The following CFAP61 variants were observed in gnomAD, a reference collection of about 807,000 sequenced individuals.
CFAP61 encodes the protein cilia and flagella associated protein 61.
CFAP61 carries 107 observed loss-of-function variants against 135.6 expected under a neutral mutation model. The ratio of observed to expected loss-of-function variants is 0.79; its 90% CI spans 0.67 to 0.93. The LOEUF is 0.93. Ranked by LOEUF, CFAP61 falls within the 40% of genes least tolerant of loss-of-function variation. CFAP61 has a pLI of 0.00. For missense variants in CFAP61, 1,507 were observed against 1,556.2 expected (o/e 0.97, Z 0.53); for synonymous variants, 575 against 578.5 (o/e 0.99, Z 0.09).
At chr20:20,153,013 A>G (rs1000723129) in intron 9 of CFAP61, among the ~76,000 whole-genome samples, 22 of 152,190 alleles carry the variant, frequency 1.4e-4, no homozygotes, top group African/African-American at 4.6e-4. Flanking sequence ...TTGAAATTAT[A>G]TCAAGTACCC....
At chr20:20,271,033 T>G (rs2053306992) in intron 21 of CFAP61, among the ~76,000 whole-genome samples, 1 of 152,176 alleles carries the variant, frequency 6.6e-6, no homozygotes, top group South Asian at 2.1e-4. Context: ...AGTTGCTGAT[T>G]TGTTCATTTA....
intron 21 of CFAP61, among the ~76,000 whole-genome samples, chr20:20,271,912 A>G (rs940700536): frequency 6.6e-6 from 1 of 152,194 alleles, no homozygotes; most frequent in Non-Finnish European, 1.5e-5. Flanking sequence ...ACTGATATCC[A>G]GGGGAAATCA....
intron 20 of CFAP61, among the ~76,000 whole-genome samples, chr20:20,254,777 T>C (rs950485211): frequency 6.6e-6 from 1 of 152,218 alleles, no homozygotes; most frequent in Non-Finnish European, 1.5e-5. Context: ...TAAAATGTAA[T>C]GACAAACCGC....
intron 21 of CFAP61, chr20:20,265,273 C>A: frequency 1.4e-6 from 1 of 715,722 alleles, no homozygotes; most frequent in Non-Finnish European, 2.6e-6. Flanking sequence ...GGCTAGGGAG[C>A]ATTTGACCAA....
intron 17 of CFAP61, chr20:20,200,810 C>T (rs1159700916): frequency 1.4e-5 from 14 of 985,380 alleles, no homozygotes; most frequent in Non-Finnish European, 1.7e-5. Context: ...GGACATCACC[C>T]GACCCAGAGC....
rs138630629 is a variant in CFAP61, at chr20:20,200,594, A to G, written c.1932+692A>G. ...ACATAATTTTCTCATGTTGACTGAT[A>G]TGGGCTTGTAGTGTTTGTATACTCT... On this transcript the variant is annotated intron_variant, in intron 17 of 26. Coordinates refer to ENST00000245957, the MANE Select transcript of CFAP61 (RefSeq NM_015585.4). 9.0e-5 allele frequency: 46 copies of G among 512,774 alleles called. No homozygotes were observed. In the East Asian group the frequency reaches 6.5e-3, roughly 72 times the overall value. 31.8% of individuals were successfully genotyped at this position (512,774 alleles called of 1,614,324 possible). A position where few individuals can be genotyped will look rare whatever the true frequency, so the allele number is the denominator to read the frequency against.
intron 1 of CFAP61, among the ~76,000 whole-genome samples, chr20:20,054,316 A>G (rs1011405290): frequency 2.6e-5 from 4 of 151,766 alleles, no homozygotes; most frequent in Non-Finnish European, 4.4e-5. Context: ...TTAAAACACT[A>G]TTCTAGTAGT....
Position 20,206,087 on chromosome 20 carries a change from G to A in CFAP61, c.1932+6185G>A, listed in dbSNP as rs566488467. ...TTGTTGAGTAACTGGGCAGTGGTCA[G>A]GTGGCAAGATGAGGCTGTAAGGATA... On this transcript the variant is annotated intron_variant, in intron 17 of 26. Coordinates refer to ENST00000245957, the MANE Select transcript of CFAP61 (RefSeq NM_015585.4). 2.9e-4 allele frequency among the ~76,000 whole-genome samples: 44 copies of A among 152,274 alleles called. No homozygotes were observed. The South Asian group carries it at 8.9e-3, about 31-fold the overall frequency.
chr20:20,304,656 A>G (rs2056351007), intron 25 of CFAP61, among the ~76,000 whole-genome samples: 1 of 151,866 alleles, frequency 6.6e-6, no homozygotes, highest in Non-Finnish European at 1.5e-5. Flanking sequence ...CCTTGGCAGT[A>G]TTTAGAATGG....
intron 18 of CFAP61, among the ~76,000 whole-genome samples, chr20:20,243,899 T>A (rs186044267): frequency 6.6e-6 from 1 of 152,284 alleles, no homozygotes; most frequent in Non-Finnish European, 1.5e-5. Context: ...AATACAGCCA[T>A]TCCAAATTGG....
Position 20,052,541 on chromosome 20 carries a change from GTCC to G in CFAP61, c.-82_-80del. On this transcript the variant is annotated 5_prime_UTR_variant, in exon 1 of 27. Coordinates refer to ENST00000245957, the MANE Select transcript of CFAP61 (RefSeq NM_015585.4). Reference sequence around the variant, plus strand: ...CGTTTCCATGGTGACCAGGCTGCGCGTCCTCCTTGCGGCAGCGCGTGGAGTGCG... The same window carrying G: ...CGTTTCCATGGTGACCAGGCTGCGCGTCCTTGCGGCAGCGCGTGGAGTGCG... The G allele has an allele frequency of 6.2e-7, 1 of 1,614,184 alleles. No individual in the cohort carries two copies. The highest frequency in any genetic ancestry group is 8.5e-7 in the Non-Finnish European group (1 of 1,180,024).
intron 25 of CFAP61, among the ~76,000 whole-genome samples, chr20:20,337,456 G>A (rs2058256069): frequency 5.3e-5 from 8 of 151,934 alleles, no homozygotes; most frequent in East Asian, 3.9e-4. Context: ...GTGGATGGAT[G>A]GATGGATAGA....
chr20:20,149,388 C>G (rs939435947), intron 9 of CFAP61, among the ~76,000 whole-genome samples: 1 of 152,168 alleles, frequency 6.6e-6, no homozygotes, highest in Non-Finnish European at 1.5e-5. Flanking sequence ...ATGGACAAAA[C>G]AGCATGTGGA....
chr20:20,199,405 A>T (rs2056484147), intron 16 of CFAP61, among the ~76,000 whole-genome samples: 2 of 152,206 alleles, frequency 1.3e-5, no homozygotes, highest in East Asian at 1.9e-4. Context: ...GCAAAGGTTA[A>T]CAGGATGCAG....
In CFAP61 at chr20:20,298,341, A is replaced by T. The variant is rs978317686; in HGVS notation, c.3377A>T (p.Asn1126Ile). 2 of 1,614,062 alleles carry T rather than the reference A, an allele frequency of 1.2e-6. No individual in the cohort carries two copies. The highest frequency in any genetic ancestry group is 8.5e-7 in the Non-Finnish European group (1 of 1,180,018). Residue 1126 changes from asparagine (N) to isoleucine (I), a missense_variant, in exon 25 of 27, where the codon AAC becomes ATC. Asn to Ile is a moderately radical substitution (Grantham distance 149). Transcript: ENST00000245957. ...GGCCAGCACGAGCAACTCCTCAACAACCTGTGTGCTCGGTACGATGAAAAC... is the reference window on the plus strand; with the variant it reads ...GGCCAGCACGAGCAACTCCTCAACATCCTGTGTGCTCGGTACGATGAAAAC... ...LFGQHEQLLN[N>I]LCARYDENLI...
chr20:20,349,856 A>T (rs922362009), intron 26 of CFAP61, among the ~76,000 whole-genome samples: 10 of 152,236 alleles, frequency 6.6e-5, no homozygotes, highest in African/African-American at 2.4e-4. Flanking sequence ...TCCTGTCAAA[A>T]TTCCAAGGGC....
intron 9 of CFAP61, among the ~76,000 whole-genome samples, chr20:20,158,097 G>A (rs1278220734): frequency 6.7e-6 from 1 of 149,140 alleles, no homozygotes; most frequent in East Asian, 2.3e-4. Context: ...GTGGTGGGGT[G>A]GGGGGAGGGG....
rs150146755 is a variant in CFAP61, at chr20:20,226,403, G to C, written c.1933-1846G>C. On this transcript the variant is annotated intron_variant, in intron 17 of 26. Transcript: ENST00000245957. ...GCCAGACCCACCTGAGTCCAACCTA[G>C]ATCAGCCTACTTCCAGCTGACCTAG... Among the ~76,000 whole-genome samples, 126 of 152,326 alleles carry C rather than the reference G, an allele frequency of 8.3e-4. 1 individual carries two copies. Among genetic ancestry groups the C allele is most frequent in the African/African-American group, 2.9e-3 (119 of 41,572 alleles).
intron 9 of CFAP61, among the ~76,000 whole-genome samples, chr20:20,159,076 T>A (rs1483250276): frequency 2.6e-5 from 4 of 152,194 alleles, no homozygotes; most frequent in African/African-American, 9.7e-5. Flanking sequence ...AGAATAGGAA[T>A]AATGGAGTAA....
Sources: allele counts gnomAD v4.1 joint callset (sites outside exome capture counted in the v4.1 genomes callset), GRCh38; gene constraint gnomAD v4.1.1; transcripts MANE v1.5; gene names NCBI Gene and HGNC (gene_info 2026-07-23, HGNC 2026-07-21).